The following WNK2 variants were observed in gnomAD, a reference collection of about 807,000 sequenced individuals.
The protein encoded by WNK2 is serine/threonine-protein kinase WNK2.
A neutral mutation model predicts 192.1 loss-of-function variants in WNK2; 67 were observed. That is an observed-to-expected ratio of 0.35 (90% CI 0.29 to 0.43). The LOEUF is 0.43. Ranked by LOEUF, WNK2 falls within the 20% of genes least tolerant of loss-of-function variation. The probability of loss-of-function intolerance (pLI) is 1.00; values close to 1 mark genes in which losing one functional copy is unlikely to be tolerated. For synonymous variants in WNK2, 1,439 were observed against 1,393.9 expected (o/e 1.03, Z -0.72); for missense variants, 2,698 against 3,089.7 (o/e 0.87, Z 3.01).
chr9:93,214,895 ATT>A, intron 2 of WNK2, among the ~76,000 whole-genome samples: 1 of 149,584 alleles, frequency 6.7e-6, no homozygotes, highest in East Asian at 2.0e-4. Context: ...TATTATTATT[ATT>A]TTAGAGATGA....
intron 28 of WNK2, 41 bp downstream of exon 28, chr9:93,308,625 G>A (rs559531376): frequency 2.6e-6 from 4 of 1,511,236 alleles, no homozygotes; most frequent in South Asian, 2.5e-5. Context: ...CTGGGGTGGG[G>A]TAGCCTTGCC....
intron 19 of WNK2, among the ~76,000 whole-genome samples, chr9:93,279,879 C>T (rs1847465785): frequency 6.6e-6 from 1 of 152,140 alleles, no homozygotes; most frequent in Non-Finnish European, 1.5e-5. Context: ...TTTATTCATA[C>T]TGCATACTAT....
chr9:93,256,940 C>T lies in WNK2; in HGVS notation c.2191-8C>T. The T allele has an allele frequency of 1.2e-5, 19 of 1,550,150 alleles. No homozygotes were observed. Among genetic ancestry groups the T allele is most frequent in the Non-Finnish European group, 1.5e-5 (17 of 1,153,950 alleles). On this transcript the variant is annotated splice_region_variant and splice_polypyrimidine_tract_variant and intron_variant, in intron 10 of 29. Transcript: ENST00000427277. ...TGGTCTAAGGGGAGCTACCTTCTCT[C>T]CCTCTAGCCTCCTCCGCTGGCCCAG...
At chr9:93,277,460 A>C (rs7042028) in intron 19 of WNK2, among the ~76,000 whole-genome samples, 133,469 of 152,208 alleles carry the variant, frequency 0.88, 59,703 homozygotes, top group East Asian at 1. Flanking sequence ...CTGGAAACAA[A>C]CCAGTTTTCC....
In WNK2 at chr9:93,282,761, G is replaced by T. The variant is rs181131813; in HGVS notation, c.4034-6027G>T. Among the ~76,000 whole-genome samples the T allele has an allele frequency of 2.3e-3, 349 of 152,262 alleles. 2 individuals carry two copies. Among genetic ancestry groups the T allele is most frequent in the African/African-American group, 7.8e-3 (324 of 41,548 alleles). On this transcript the variant is annotated intron_variant, in intron 19 of 29. Transcript: ENST00000427277. Reference sequence around the variant, plus strand: ...TGGGAGATTTCAGCTTTTGGAATAGGAGACACTCAGTAGGGATAGAGAAAA... The same window carrying T: ...TGGGAGATTTCAGCTTTTGGAATAGTAGACACTCAGTAGGGATAGAGAAAA...
At chr9:93,226,668 C>G (rs994134040) in intron 2 of WNK2, among the ~76,000 whole-genome samples, 1 of 152,198 alleles carries the variant, frequency 6.6e-6, no homozygotes, top group African/African-American at 2.4e-5. Flanking sequence ...CTGATGGCAT[C>G]CCCCAGATAT....
intron 2 of WNK2, among the ~76,000 whole-genome samples, chr9:93,193,195 G>C (rs1830637453): frequency 6.6e-6 from 1 of 152,146 alleles, no homozygotes; most frequent in Non-Finnish European, 1.5e-5. Flanking sequence ...CAGCCGCACT[G>C]CCCTGGTGCA....
chr9:93,213,663 C>T (rs1474243395), intron 2 of WNK2, among the ~76,000 whole-genome samples: 1 of 152,144 alleles, frequency 6.6e-6, no homozygotes, highest in Non-Finnish European at 1.5e-5. Flanking sequence ...GTGGCGCATG[C>T]CTGTAATCCC....
rs1588059031 is a variant in WNK2, at chr9:93,230,997, C to T, written c.964C>T (p.Arg322Ter). Reference protein sequence around the residue: ...LHTRTPPIIHRDLKCDNIFIT... With the variant: ...LHTRTPPIIH ...CACAAGGACGCCACCCATCATCCAC[C>T]GAGACCTGAAATGTGACAATATTTT... The change falls in exon 4 of 30, where the codon CGA becomes TGA. Residue 322 changes from arginine (R) to a stop codon, truncating the protein, a stop_gained. Coordinates refer to ENST00000427277, the MANE Select transcript of WNK2 (RefSeq NM_006648.4). LOFTEE classifies it high-confidence loss of function. 1.2e-6 allele frequency: 2 copies of T among 1,613,984 alleles called. No homozygotes were observed. Among genetic ancestry groups the T allele is most frequent in the South Asian group, 1.1e-5 (1 of 91,068 alleles).
intron 29 of WNK2, 38 bp downstream of exon 29, chr9:93,317,669 G>A (rs34038932): frequency 0.05 from 79,646 of 1,592,958 alleles, 2,357 homozygotes; most frequent in Non-Finnish European, 0.061. Context: ...CACCCTGTGC[G>A]CTGCCTCTGG....
At chr9:93,246,918 A>C (rs980409322) in intron 7 of WNK2, among the ~76,000 whole-genome samples, 1 of 152,260 alleles carries the variant, frequency 6.6e-6, no homozygotes, top group South Asian at 2.1e-4. Flanking sequence ...TTTTATCAGA[A>C]GAAAGAAGGT....
chr9:93,299,386 C>T, intron 25 of WNK2, 125 bp downstream of exon 25: 6 of 941,344 alleles, frequency 6.4e-6, no homozygotes, highest in Admixed American at 3.5e-5. Flanking sequence ...TGAGAGGCTT[C>T]TTTTAAAAAG....
At chr9:93,253,399 A>G (rs1027659553) in intron 9 of WNK2, among the ~76,000 whole-genome samples, 2 of 151,632 alleles carry the variant, frequency 1.3e-5, no homozygotes, top group Non-Finnish European at 2.9e-5. Context: ...TTGGGAGGCT[A>G]TGGTAGAGCT....
At chr9:93,253,170 T>C in intron 9 of WNK2, 88 bp downstream of exon 9, 1 of 1,175,060 alleles carries the variant, frequency 8.5e-7, no homozygotes, top group Non-Finnish European at 1.1e-6. Flanking sequence ...TGATGGGCTG[T>C]CCAGGCTGCA....
intron 7 of WNK2, among the ~76,000 whole-genome samples, chr9:93,241,773 A>G (rs1322179951): frequency 6.6e-6 from 1 of 152,140 alleles, no homozygotes; most frequent in African/African-American, 2.4e-5. Context: ...GGGCACTGGT[A>G]TGTGGTACAT....
intron 23 of WNK2, among the ~76,000 whole-genome samples, chr9:93,296,674 CTCA>C: frequency 9.7e-6 from 1 of 102,814 alleles, no homozygotes; most frequent in Non-Finnish European, 2.1e-5. Context: ...CCATCCTCCC[CTCA>C]TCCTCCTCCC....
intron 2 of WNK2, among the ~76,000 whole-genome samples, chr9:93,197,854 G>A (rs1474565590): frequency 6.6e-6 from 1 of 152,164 alleles, no homozygotes; most frequent in Non-Finnish European, 1.5e-5. Context: ...GTGTGAGGTC[G>A]TGCATTCCTG....
At chr9:93,236,864 A>G (rs1339098465) in intron 5 of WNK2, among the ~76,000 whole-genome samples, 1 of 152,248 alleles carries the variant, frequency 6.6e-6, no homozygotes, top group African/African-American at 2.4e-5. Context: ...CCACCGCATC[A>G]TGGCGCTGCC....
At chr9:93,318,352 T>A in intron 29 of WNK2, 1 of 1,595,310 alleles carries the variant, frequency 6.3e-7, no homozygotes, top group Non-Finnish European at 8.6e-7. Flanking sequence ...CTTCCATTGC[T>A]AGGTGAGCCC....
Sources: gnomAD v4.1 joint callset for allele counts (sites outside exome capture counted in the v4.1 genomes callset) on GRCh38, gnomAD v4.1.1 for gene constraint, MANE v1.5 for transcripts, NCBI Gene and HGNC (gene_info 2026-07-23, HGNC 2026-07-21) for gene names.